ELAPOR2: variants seen among roughly 807,000 people sequenced by gnomAD.
The protein encoded by ELAPOR2 is endosome-lysosome associated apoptosis and autophagy regulator family member 2, also known as endosome/lysosome-associated apoptosis and autophagy regulator family member 2.
ELAPOR2 carries 89 observed loss-of-function variants against 120.7 expected under a neutral mutation model. The ratio of observed to expected loss-of-function variants is 0.74; its 90% CI spans 0.62 to 0.88. The LOEUF (loss-of-function observed/expected upper bound fraction) is 0.88, where lower values mean the gene tolerates loss of function less well. Ranked by LOEUF, ELAPOR2 falls within the 40% of genes least tolerant of loss-of-function variation. The pLI is 0.00. For missense variants in ELAPOR2, 1,134 were observed against 1,251.6 expected (o/e 0.91, Z 1.42); for synonymous variants, 444 against 444.9 (o/e 1.00, Z 0.03).
intron 2 of ELAPOR2, among the ~76,000 whole-genome samples, chr7:86,963,273 G>A (rs1273892149): frequency 1.3e-5 from 2 of 152,180 alleles, no homozygotes; most frequent in African/African-American, 2.4e-5. Flanking sequence ...GAACCTTATA[G>A]TATATAATGA....
At chr7:87,059,235 G>T in intron 1 of ELAPOR2, 90 bp downstream of exon 1, 1 of 1,234,920 alleles carries the variant, frequency 8.1e-7, no homozygotes, top group Non-Finnish European at 1.0e-6. Context: ...AAAGGGGATG[G>T]CAAACAGAAA....
intron 1 of ELAPOR2, among the ~76,000 whole-genome samples, chr7:87,021,432 T>G (rs922707757): frequency 5.3e-5 from 8 of 152,134 alleles, no homozygotes; most frequent in Non-Finnish European, 1.2e-4. Flanking sequence ...ATAAATATAC[T>G]GCCATATCAA....
rs866794416 is a variant in ELAPOR2, at chr7:86,890,080, G to C, written c.3030+1644C>G. 1.4e-4 allele frequency among the ~76,000 whole-genome samples: 22 copies of C among 151,984 alleles called. No homozygotes were observed. In the South Asian group the frequency reaches 4.4e-3, roughly 30 times the overall value. On this transcript the variant is annotated intron_variant, in intron 21 of 21. Coordinates refer to ENST00000450689, the MANE Select transcript of ELAPOR2 (RefSeq NM_001142749.3). ...CAGCTTCAGTCAGTCATATTAATCA[G>C]AATGGTGCATGGAGTGGGGAAATAA...
intron 1 of ELAPOR2, among the ~76,000 whole-genome samples, chr7:86,970,261 C>T (rs1004793376): frequency 5.3e-5 from 8 of 152,096 alleles, no homozygotes; most frequent in African/African-American, 1.9e-4. Flanking sequence ...CAGTAGAAAG[C>T]CTCTATCTTC....
At chr7:86,982,545 G>T (rs1792543988) in intron 1 of ELAPOR2, among the ~76,000 whole-genome samples, 1 of 152,174 alleles carries the variant, frequency 6.6e-6, no homozygotes, top group Admixed American at 6.5e-5. Context: ...GGCCAACAGG[G>T]TCCAGAGTGG....
rs188336627 is a variant in ELAPOR2 at position 86,904,597 on chromosome 7, C to T, written c.2558+3073G>A. On this transcript the variant is annotated intron_variant, in intron 18 of 21. Coordinates refer to ENST00000450689, the MANE Select transcript of ELAPOR2 (RefSeq NM_001142749.3). The stretch of plus-strand genomic sequence containing the variant: ...GACACTTTATGGAACTAGAAGCCAA[C>T]TACATTTGCCAGACCAAATAGACAG... Among the ~76,000 whole-genome samples the T allele has an allele frequency of 2.6e-4, 39 of 152,302 alleles. 1 individual carries two copies. In the East Asian group the frequency reaches 6.8e-3, roughly 26 times the overall value.
intron 18 of ELAPOR2, among the ~76,000 whole-genome samples, chr7:86,900,089 T>G (rs1476982667): frequency 6.6e-6 from 1 of 152,172 alleles, no homozygotes; most frequent in Non-Finnish European, 1.5e-5. Flanking sequence ...AGTGCTCTCC[T>G]GTTCAAATCT....
chr7:87,029,795 A>T (rs952788567), intron 1 of ELAPOR2, among the ~76,000 whole-genome samples: 2 of 152,186 alleles, frequency 1.3e-5, no homozygotes, highest in Non-Finnish European at 2.9e-5. Flanking sequence ...CAAAAAGACA[A>T]AAAGCAAAAA....
chr7:87,059,273 C>A (rs1234448181), intron 1 of ELAPOR2, 52 bp downstream of exon 1: 3 of 1,243,918 alleles, frequency 2.4e-6, no homozygotes, highest in Non-Finnish European at 3.0e-6. Context: ...CAGCCTTCAT[C>A]TTCCGCGCCC....
chr7:86,893,456 T>A (rs1033168904), intron 19 of ELAPOR2, among the ~76,000 whole-genome samples: 7 of 151,910 alleles, frequency 4.6e-5, no homozygotes, highest in African/African-American at 1.7e-4. Flanking sequence ...TTTTTTTTTT[T>A]AATTTTGATG....
In ELAPOR2 at chr7:86,965,063, G is replaced by T. The variant is rs6976741; in HGVS notation, c.190-39C>A. On this transcript the variant is annotated intron_variant, in intron 1 of 21. Transcript: ENST00000450689. ...CAAAAACAAGCCTTTGTTAGAGCCA[G>T]TTCTAACGGGACAACTGTGCTTTCT... 3 of 1,549,476 alleles carry T rather than the reference G, an allele frequency of 1.9e-6. No individual in the cohort carries two copies. The South Asian group carries it at 3.6e-5, about 18-fold the overall frequency.
At chr7:86,955,453 G>T (rs147806600) in intron 2 of ELAPOR2, among the ~76,000 whole-genome samples, 99 of 152,166 alleles carry the variant, frequency 6.5e-4, no homozygotes, top group African/African-American at 2.3e-3. Context: ...AAAGCTGGTT[G>T]TGAGTACATC....
chr7:86,974,642 T>C (rs1056560876), intron 1 of ELAPOR2, among the ~76,000 whole-genome samples: 12 of 146,118 alleles, frequency 8.2e-5, no homozygotes, highest in Middle Eastern at 7.1e-3. Flanking sequence ...AAAAAGACTA[T>C]AGGCATATAT....
chr7:86,996,891 G>A (rs1410625209), intron 1 of ELAPOR2, among the ~76,000 whole-genome samples: 1 of 152,140 alleles, frequency 6.6e-6, no homozygotes, highest in Non-Finnish European at 1.5e-5. Flanking sequence ...GAGAAGCCCA[G>A]GACCAGCACC....
At chr7:86,961,193 G>A (rs1362891207) in intron 2 of ELAPOR2, among the ~76,000 whole-genome samples, 1 of 152,000 alleles carries the variant, frequency 6.6e-6, no homozygotes, top group Non-Finnish European at 1.5e-5. Context: ...ATTAAACAAA[G>A]TCCCTAAGAC....
chr7:86,926,297 A>T (rs759195923), intron 9 of ELAPOR2, among the ~76,000 whole-genome samples: 23 of 152,020 alleles, frequency 1.5e-4, no homozygotes, highest in Non-Finnish European at 3.1e-4. Flanking sequence ...AGGAGTAGGG[A>T]AAGAAAATAT....
At chr7:86,939,051 G>C in intron 6 of ELAPOR2, 91 bp from the exon 7 acceptor site, 1 of 1,414,054 alleles carries the variant, frequency 7.1e-7, no homozygotes. Context: ...AGAAGTGAGG[G>C]AGATATATGA....
chr7:86,995,492 T>C (rs1793092357), intron 1 of ELAPOR2, among the ~76,000 whole-genome samples: 2 of 152,104 alleles, frequency 1.3e-5, no homozygotes, highest in African/African-American at 2.4e-5. Context: ...ATAAACAAAA[T>C]TGAGGTAGAA....
At chr7:87,037,188 C>A (rs1425990777) in intron 1 of ELAPOR2, among the ~76,000 whole-genome samples, 1 of 152,058 alleles carries the variant, frequency 6.6e-6, no homozygotes, top group East Asian at 1.9e-4. Context: ...GTGACCTCAT[C>A]AACATCAATG....
Sources: gnomAD v4.1 joint callset for allele counts (sites outside exome capture counted in the v4.1 genomes callset) on GRCh38, gnomAD v4.1.1 for gene constraint, MANE v1.5 for transcripts, NCBI Gene and HGNC (gene_info 2026-07-23, HGNC 2026-07-21) for gene names.